Variants in SMPD3 observed in about 807,000 individuals in gnomAD.
SMPD3 encodes the protein sphingomyelin phosphodiesterase 3, also known as nSMase-2.
Under a neutral mutation model 55.7 loss-of-function variants are expected in SMPD3, and 21 were observed. The observed-to-expected ratio is 0.38, with a 90% CI of 0.27 to 0.54. SMPD3 has a LOEUF of 0.54. Ranked by LOEUF, SMPD3 falls within the 20% of genes least tolerant of loss-of-function variation. The pLI, the probability that SMPD3 is intolerant of heterozygous loss-of-function variation, is 0.80. For synonymous variants in SMPD3, 457 were observed against 404.3 expected (o/e 1.13, Z -1.56); for missense variants, 842 against 899.6 (o/e 0.94, Z 0.82).
rs115606024 is a variant in SMPD3, at chr16:68,426,642, C to T, written c.-269+21711G>A. Among the ~76,000 whole-genome samples the T allele has an allele frequency of 5.4e-3, 817 of 152,302 alleles. 7 individuals carry two copies. Among genetic ancestry groups the T allele is most frequent in the African/African-American group, 0.018 (737 of 41,566 alleles). ...TAAAATCAATATGGTGTGGAAATAG[C>T]ACCCAAAATAGAAATATCCTCAAGA... On this transcript the variant is annotated intron_variant, in intron 1 of 8. Coordinates refer to ENST00000219334, the MANE Select transcript of SMPD3 (RefSeq NM_018667.4).
intron 1 of SMPD3, among the ~76,000 whole-genome samples, chr16:68,439,009 T>C (rs1304108923): frequency 6.6e-6 from 1 of 152,230 alleles, no homozygotes; most frequent in African/African-American, 2.4e-5. Flanking sequence ...TTTACACATA[T>C]GTATTGCTGA....
Position 68,370,845 on chromosome 16 carries a change from C to G in SMPD3, c.1323+14G>C. ...GCTGGCACGTGGTCCTCAGGCTGGG[C>G]CGAGGTCTCCTACCTTGAGAAACAG... is the stretch of plus-strand genomic sequence containing the variant. On this transcript the variant is annotated intron_variant, in intron 3 of 8. Coordinates refer to ENST00000219334, the MANE Select transcript of SMPD3 (RefSeq NM_018667.4). 6.2e-7 allele frequency: 1 copy of G among 1,612,438 alleles called. No individual in the cohort carries two copies. The highest frequency in any genetic ancestry group is 1.1e-5 in the South Asian group (1 of 90,682).
chr16:68,418,416 C>T (rs1172030005), intron 1 of SMPD3, among the ~76,000 whole-genome samples: 1 of 150,706 alleles, frequency 6.6e-6, no homozygotes, highest in African/African-American at 2.4e-5. Flanking sequence ...AGTAATTTAA[C>T]CAAGACGATG....
At position 68,373,922 on chromosome 16, in the gene SMPD3, TTTC is replaced by T. The variant is rs869107014; in HGVS notation, c.-206-1538_-206-1536del. On this transcript the variant is annotated intron_variant, in intron 2 of 8. Coordinates refer to ENST00000219334, the MANE Select transcript of SMPD3 (RefSeq NM_018667.4). ...CCTCTGCCCCTCGCCTCGCTCACCC[TTTC>T]TAAGACTCAACTTAGAAATTCCCTC... Among the ~76,000 whole-genome samples the T allele has an allele frequency of 2.6e-4, 39 of 149,462 alleles. No homozygotes were observed. The Middle Eastern group carries it at 0.024, about 93-fold the overall frequency.
intron 1 of SMPD3, among the ~76,000 whole-genome samples, chr16:68,443,136 G>T (rs976819793): frequency 7.9e-5 from 12 of 152,186 alleles, no homozygotes; most frequent in African/African-American, 2.9e-4. Flanking sequence ...TGTGTGTGTT[G>T]CAAGATTGGA....
chr16:68,373,903 C>T (rs1397247026), intron 2 of SMPD3, among the ~76,000 whole-genome samples: 2 of 152,120 alleles, frequency 1.3e-5, no homozygotes, highest in African/African-American at 4.8e-5. Flanking sequence ...CCATCCTCTG[C>T]CCCTCGCCTC....
Position 68,371,138 on chromosome 16 carries a change from C to G in SMPD3, c.1044G>C (p.Glu348Asp). ...RRHPDEAFDHEVSAFFPANLD... is the reference protein window; with the variant it reads ...RRHPDEAFDHDVSAFFPANLD... ...GGTTGGCGGGGAAGAAGGCGGAGAC[C>G]TCATGGTCGAAGGCCTCGTCGGGGT... The change falls in exon 3 of 9, where the codon GAG (glutamate) becomes GAC (aspartate). Residue 348 changes from glutamate (E) to aspartate (D), a missense_variant. Glu to Asp is a conservative substitution (Grantham distance 45). Coordinates refer to ENST00000219334, the MANE Select transcript of SMPD3 (RefSeq NM_018667.4). 12 of 1,613,940 alleles carry G rather than the reference C, an allele frequency of 7.4e-6. No individual in the cohort carries two copies. The highest frequency in any genetic ancestry group is 1.0e-5 in the Non-Finnish European group (12 of 1,180,036).
At chr16:68,384,373 A>G (rs1264245581) in intron 2 of SMPD3, among the ~76,000 whole-genome samples, 1 of 152,244 alleles carries the variant, frequency 6.6e-6, no homozygotes, top group East Asian at 1.9e-4. Flanking sequence ...GCTGAGGCCA[A>G]ACAGGCCCTT....
intron 5 of SMPD3, 106 bp from the exon 6 acceptor site, chr16:68,363,972 C>A: frequency 9.5e-7 from 1 of 1,057,698 alleles, no homozygotes; most frequent in South Asian, 1.5e-5. Flanking sequence ...GCCAGGCCCC[C>A]ATCCCTTAGG....
chr16:68,400,642 G>T (rs914361008), intron 1 of SMPD3, among the ~76,000 whole-genome samples: 1 of 152,184 alleles, frequency 6.6e-6, no homozygotes, highest in East Asian at 1.9e-4. Flanking sequence ...ACACACACTT[G>T]TATGTCCCAC....
At chr16:68,443,557 C>T (rs181609298) in intron 1 of SMPD3, among the ~76,000 whole-genome samples, 11 of 152,230 alleles carry the variant, frequency 7.2e-5, no homozygotes, top group Admixed American at 2.6e-4. Flanking sequence ...TTGCCATCTA[C>T]GCTTGGCTTC....
rs956683301 is a variant in SMPD3 at position 68,435,515 on chromosome 16, C to T, written c.-269+12838G>A. ...TTCATTTATTCAAGTTGGTTGCTCC[C>T]CCGTATCCCCTAACACAGAGGTGCC... On this transcript the variant is annotated intron_variant, in intron 1 of 8. Coordinates refer to ENST00000219334, the MANE Select transcript of SMPD3 (RefSeq NM_018667.4). 4.3e-4 allele frequency among the ~76,000 whole-genome samples: 65 copies of T among 152,072 alleles called. 1 individual carries two copies. The highest frequency in any genetic ancestry group is 1.5e-3 in the African/African-American group (62 of 41,400).
At chr16:68,409,014 C>T (rs984023866) in intron 1 of SMPD3, among the ~76,000 whole-genome samples, 1 of 152,192 alleles carries the variant, frequency 6.6e-6, no homozygotes, top group African/African-American at 2.4e-5. Flanking sequence ...TCGCTGAGGT[C>T]TCACAAGGGC....
In SMPD3 at chr16:68,363,528, A is replaced by G. The variant is rs2089379133; in HGVS notation, c.1677T>C (p.Asp559=). 1.2e-6 allele frequency: 2 copies of G among 1,613,786 alleles called. No homozygotes were observed. Among genetic ancestry groups the G allele is most frequent in the African/African-American group, 1.3e-5 (1 of 74,952 alleles). The change falls in exon 7 of 9, where the codon GAT becomes GAC. Residue 559 remains aspartate, a synonymous_variant. Coordinates refer to ENST00000219334, the MANE Select transcript of SMPD3 (RefSeq NM_018667.4). ...GTLLDTNGLY[D]EDVCTPDNLQ... ...GGTTGTCGGGGGTGCACACATCCTC[A>G]TCGTACAGGCCGTTCGTGTCCAGCA... is the stretch of plus-strand genomic sequence containing the variant.
chr16:68,426,390 C>T (rs2090436009), intron 1 of SMPD3, among the ~76,000 whole-genome samples: 1 of 152,112 alleles, frequency 6.6e-6, no homozygotes, highest in Non-Finnish European at 1.5e-5. Context: ...AGCTGGCTCA[C>T]CCTGGTCACA....
Position 68,383,649 on chromosome 16 carries a change from C to T in SMPD3, c.-207+2949G>A, listed in dbSNP as rs376379189. Among the ~76,000 whole-genome samples the T allele has an allele frequency of 1.1e-4, 17 of 152,278 alleles. No homozygotes were observed. The East Asian group carries it at 1.9e-3, about 17-fold the overall frequency. ...TTCCTAGGGGCTGGACTTTCTCTTG[C>T]CTCTTCCCTCCCTTCTCGGCTGATC... On this transcript the variant is annotated intron_variant, in intron 2 of 8. Coordinates refer to ENST00000219334, the MANE Select transcript of SMPD3 (RefSeq NM_018667.4).
chr16:68,397,795 G>A (rs2152008888), intron 1 of SMPD3, among the ~76,000 whole-genome samples: 1 of 152,290 alleles, frequency 6.6e-6, no homozygotes, highest in South Asian at 2.1e-4. Flanking sequence ...TCTTCAGGAA[G>A]CCTTCCCCCC....
chr16:68,439,033 C>T (rs1225529063), intron 1 of SMPD3, among the ~76,000 whole-genome samples: 1 of 152,170 alleles, frequency 6.6e-6, no homozygotes, highest in Non-Finnish European at 1.5e-5. Flanking sequence ...CAATGCCTGA[C>T]CCACTGTAAA....
rs563184288 is a variant in SMPD3 at position 68,389,122 on chromosome 16, C to T, written c.-268-2463G>A. Among the ~76,000 whole-genome samples the T allele has an allele frequency of 7.2e-5, 11 of 152,356 alleles. No homozygotes were observed. The East Asian group carries it at 1.9e-3, about 27-fold the overall frequency. On this transcript the variant is annotated intron_variant, in intron 1 of 8. Coordinates refer to ENST00000219334, the MANE Select transcript of SMPD3 (RefSeq NM_018667.4). ...AGGGCCTGCAATGCTGCTCTCCTGG[C>T]TCTGGCAGCTGGCTTGTGCCTGGGC...
Sources: gnomAD v4.1 joint callset for allele counts (sites outside exome capture counted in the v4.1 genomes callset) on GRCh38, gnomAD v4.1.1 for gene constraint, MANE v1.5 for transcripts, NCBI Gene and HGNC (gene_info 2026-07-23, HGNC 2026-07-21) for gene names.